Variants in SLC30A9 observed in about 807,000 individuals in gnomAD.
The protein encoded by SLC30A9 is proton-coupled zinc antiporter SLC30A9, mitochondrial.
SLC30A9 carries 58 observed loss-of-function variants against 87.5 expected under a neutral mutation model. The ratio of observed to expected loss-of-function variants is 0.66; its 90% confidence interval spans 0.54 to 0.82. SLC30A9 has a LOEUF of 0.82. Among genes scored for constraint, SLC30A9 ranks in the 40% least tolerant of loss-of-function variants. The pLI is 0.00. For synonymous variants in SLC30A9, 234 were observed against 233.0 expected (o/e 1.00, Z -0.04); for missense variants, 557 against 679.1 (o/e 0.82, Z 2.00).
At chr4:42,025,403 A>T (rs1472474468) in intron 6 of SLC30A9, among the ~76,000 whole-genome samples, 1 of 152,186 alleles carries the variant, frequency 6.6e-6, no homozygotes, top group Non-Finnish European at 1.5e-5. Flanking sequence ...AAAGTGATTG[A>T]CCTTCTGTTG....
intron 16 of SLC30A9, among the ~76,000 whole-genome samples, chr4:42,077,115 A>G (rs962691840): frequency 6.6e-6 from 1 of 152,178 alleles, no homozygotes; most frequent in Non-Finnish European, 1.5e-5. Context: ...CAGCTTGCCT[A>G]GGTCTTACCA....
At chr4:42,083,856 C>T (rs1198030353) in intron 17 of SLC30A9, among the ~76,000 whole-genome samples, 2 of 151,930 alleles carry the variant, frequency 1.3e-5, no homozygotes, top group African/African-American at 4.8e-5. Context: ...CAAAAGTGTG[C>T]CCTCCTTGTT....
Position 42,063,019 on chromosome 4 carries a change from G to A in SLC30A9, c.930G>A (p.Ser310=), listed in dbSNP as rs143350504. The A allele has an allele frequency of 2.3e-4, 365 of 1,612,486 alleles. 1 individual carries two copies. Among genetic ancestry groups the A allele is most frequent in the Middle Eastern group, 2.1e-3 (13 of 6,076 alleles). Residue 310 remains serine, a synonymous_variant, in exon 11 of 18, where the codon TCG becomes TCA. Transcript: ENST00000264451. ...TTTCAAATATGCGCTATATTTCTTC[G>A]CTAATTAGTGGTGTTGGTATTTTCA... ...YGFSNMRYIS[S]LISGVGIFMM...
chr4:42,052,399 C>G (rs1222351508), intron 9 of SLC30A9, among the ~76,000 whole-genome samples: 5 of 152,206 alleles, frequency 3.3e-5, no homozygotes, highest in African/African-American at 9.6e-5. Context: ...GTACAATTGA[C>G]AAACCGAATA....
At chr4:42,014,054 T>G (rs1181532462) in intron 2 of SLC30A9, among the ~76,000 whole-genome samples, 1 of 152,122 alleles carries the variant, frequency 6.6e-6, no homozygotes, top group Non-Finnish European at 1.5e-5. Context: ...ATAATCTGAT[T>G]AAAATGTGGA....
intron 3 of SLC30A9, among the ~76,000 whole-genome samples, chr4:42,019,239 T>G (rs1406527805): frequency 2.0e-5 from 3 of 152,160 alleles, no homozygotes; most frequent in Admixed American, 6.5e-5. Flanking sequence ...TAGATGACAA[T>G]TCGAAATAGA....
At chr4:41,992,690 A>AT (rs966557756) in intron 1 of SLC30A9, among the ~76,000 whole-genome samples, 1 of 152,074 alleles carries the variant, frequency 6.6e-6, no homozygotes, top group Non-Finnish European at 1.5e-5. Context: ...AAAAATTAAA[A>AT]TTTTTTTTAC....
chr4:42,028,270 A>G (rs1466889284), intron 6 of SLC30A9, among the ~76,000 whole-genome samples: 1 of 152,146 alleles, frequency 6.6e-6, no homozygotes, highest in East Asian at 1.9e-4. Context: ...GGTGCGTGCT[A>G]CCATGCCCGG....
intron 16 of SLC30A9, among the ~76,000 whole-genome samples, chr4:42,077,937 A>G (rs1346773506): frequency 2.0e-5 from 3 of 150,568 alleles, no homozygotes; most frequent in Non-Finnish European, 4.4e-5. Context: ...TAGGGATTCA[A>G]TTTTTTTTTC....
chr4:42,030,723 AT>A (rs952312030), intron 6 of SLC30A9, among the ~76,000 whole-genome samples: 1 of 151,956 alleles, frequency 6.6e-6, no homozygotes, highest in Non-Finnish European at 1.5e-5. Flanking sequence ...GGGATTTGTC[AT>A]GGGGGAACTG....
At chr4:42,051,857 A>AC (rs1717394926) in intron 9 of SLC30A9, among the ~76,000 whole-genome samples, 1 of 152,070 alleles carries the variant, frequency 6.6e-6, no homozygotes, top group African/African-American at 2.4e-5. Flanking sequence ...TGCTTTAATG[A>AC]GGCTAGTATA....
chr4:42,076,791 G>A (rs528865586), intron 16 of SLC30A9, among the ~76,000 whole-genome samples: 9 of 151,814 alleles, frequency 5.9e-5, no homozygotes, highest in African/African-American at 9.7e-5. Context: ...GTGAAAACCC[G>A]TATCTACTAA....
chr4:42,047,275 T>A (rs1023348081), intron 8 of SLC30A9, among the ~76,000 whole-genome samples: 1 of 152,142 alleles, frequency 6.6e-6, no homozygotes, highest in African/African-American at 2.4e-5. Flanking sequence ...AAATAAACTA[T>A]TATCCGAGTG....
intron 12 of SLC30A9, among the ~76,000 whole-genome samples, chr4:42,066,222 A>G (rs1385680962): frequency 6.6e-6 from 1 of 152,190 alleles, no homozygotes; most frequent in African/African-American, 2.4e-5. Context: ...CATCTTTGAA[A>G]GTCTATGAAA....
chr4:42,076,948 C>T (rs1450963863), intron 16 of SLC30A9, among the ~76,000 whole-genome samples: 3 of 128,764 alleles, frequency 2.3e-5, no homozygotes, highest in Non-Finnish European at 4.8e-5. Flanking sequence ...GGCGACAGAG[C>T]GAGACTCCGT....
At chr4:42,018,491 CT>C in intron 3 of SLC30A9, 1 of 1,135,494 alleles carries the variant, frequency 8.8e-7, no homozygotes, top group Non-Finnish European at 1.1e-6. Context: ...TCAGCTACTG[CT>C]TATTCAAATC....
chr4:42,080,887 A>G (rs984551415), intron 17 of SLC30A9, among the ~76,000 whole-genome samples: 2 of 152,210 alleles, frequency 1.3e-5, no homozygotes, highest in African/African-American at 2.4e-5. Context: ...ATTTTGGAAA[A>G]TACTGGTTCA....
chr4:42,016,864 A>G (rs564758127), intron 2 of SLC30A9, among the ~76,000 whole-genome samples: 76 of 152,174 alleles, frequency 5.0e-4, no homozygotes, highest in Non-Finnish European at 8.7e-4. Flanking sequence ...GGTTGTTGCC[A>G]GTTTACAACA....
At chr4:41,994,912 G>A (rs918504697) in intron 1 of SLC30A9, among the ~76,000 whole-genome samples, 3 of 151,812 alleles carry the variant, frequency 2.0e-5, no homozygotes, top group South Asian at 2.1e-4. Context: ...GACCTCTGCT[G>A]GGGATAAAAG....
Sources: gnomAD v4.1 joint callset for allele counts (sites outside exome capture counted in the v4.1 genomes callset) on GRCh38, gnomAD v4.1.1 for gene constraint, MANE v1.5 for transcripts, NCBI Gene and HGNC (gene_info 2026-07-23, HGNC 2026-07-21) for gene names.